Variants in KCP observed in about 807,000 individuals in gnomAD.
KCP encodes the protein kielin cysteine rich BMP regulator, also known as kielin/chordin-like protein.
Under a neutral mutation model 212.7 loss-of-function variants are expected in KCP, and 194 were observed. That is an observed-to-expected ratio of 0.91 (90% confidence interval 0.81 to 1.03). The LOEUF is 1.03. KCP is among the 50% of genes least tolerant of loss of function. The pLI is 0.00. For missense variants in KCP, 2,080 were observed against 2,162.5 expected (o/e 0.96, Z 0.76); for synonymous variants, 833 against 865.3 (o/e 0.96, Z 0.65).
intron 20 of KCP, among the ~76,000 whole-genome samples, 155 bp from the exon 21 acceptor site, chr7:128,890,668 T>C (rs1248532296): frequency 1.8e-5 from 1 of 55,528 alleles, no homozygotes; most frequent in Non-Finnish European, 3.4e-5. Context: ...GGGGAGGCCG[T>C]GGGCTCCGTG....
intron 26 of KCP, 81 bp downstream of exon 26, chr7:128,886,383 C>G: frequency 8.5e-7 from 1 of 1,183,386 alleles, no homozygotes; most frequent in South Asian, 1.5e-5. Context: ...GAAGAGCTGG[C>G]TGAGGGGAGG....
chr7:128,887,294 C>A lies in KCP; in HGVS notation c.2519G>T (p.Arg840Leu), dbSNP rs935377722. Residue 840 changes from arginine (R) to leucine (L), a missense_variant, in exon 23 of 40, where the codon CGC becomes CTC. Transcript: ENST00000610776. ...GGAGGCAGTAGTGACGCCATGGTAGCGGCATCCTGGCAGAGCGGGGAGTCC... is the reference window on the plus strand; with the variant it reads ...GGAGGCAGTAGTGACGCCATGGTAGAGGCATCCTGGCAGAGCGGGGAGTCC... ...GHCCPTCQGC[R>L]YHGVTTASGE... is the part of the protein sequence containing the mutation. 3 of 1,551,030 alleles carry A rather than the reference C, an allele frequency of 1.9e-6. No homozygotes were observed. The highest frequency in any genetic ancestry group is 1.7e-4 in the Middle Eastern group (1 of 5,934).
chr7:128,885,270 C>T lies in KCP; in HGVS notation c.2867G>A (p.Gly956Asp). 6.5e-7 allele frequency: 1 copy of T among 1,541,156 alleles called. No homozygotes were observed. Among genetic ancestry groups the T allele is most frequent in the Non-Finnish European group, 8.8e-7 (1 of 1,139,694 alleles). Reference protein sequence around the residue: ...ERGSCCPRCRGCLAHGEEHPE... With the variant: ...ERGSCCPRCRDCLAHGEEHPE... ...GTGCTCTTCCCCATGAGCCAGGCAGCCTGTGGTGCAAAGTGGGCAGGGACG... is the reference window on the plus strand; with the variant it reads ...GTGCTCTTCCCCATGAGCCAGGCAGTCTGTGGTGCAAAGTGGGCAGGGACG... Residue 956 changes from glycine (G) to aspartate (D), a missense_variant and splice_region_variant, in exon 27 of 40, where the codon GGC (glycine) becomes GAC (aspartate). By Grantham distance (94) the Gly-to-Asp change is moderately conservative. Transcript: ENST00000610776.
intron 4 of KCP, among the ~76,000 whole-genome samples, chr7:128,906,863 TTC>T (rs1250214345): frequency 3.3e-5 from 5 of 151,444 alleles, no homozygotes; most frequent in Admixed American, 2.0e-4. Flanking sequence ...ACCTAATACA[TTC>T]TCTGCCCTCC....
rs373236319 is a variant in KCP at position 128,886,021 on chromosome 7, GTGA to G, written c.2866+440_2866+442del. ...TATCTTGATGATGATGATGATGGTG[GTGA>G]TGATGATGATGATGATGAATGGGGT... On this transcript the variant is annotated intron_variant, in intron 26 of 39. Transcript: ENST00000610776. Among the ~76,000 whole-genome samples the G allele has an allele frequency of 1.5e-3, 229 of 152,188 alleles. 1 individual carries two copies. Among genetic ancestry groups the G allele is most frequent in the African/African-American group, 5.4e-3 (225 of 41,518 alleles).
At chr7:128,901,310 C>G (rs1301992864) in intron 8 of KCP, among the ~76,000 whole-genome samples, 2 of 152,182 alleles carry the variant, frequency 1.3e-5, no homozygotes, top group Admixed American at 1.3e-4. Flanking sequence ...AGTAGCCATT[C>G]TTTTATTCCT....
Position 128,880,427 on chromosome 7 carries a change from G to A in KCP, c.3718C>T (p.Arg1240Cys), listed in dbSNP as rs1430129558. ...TSCSCMAGTV[R>C]CQSQRCSPLS... ...GGTGAGCAGCGCTGGCTCTGGCAAC[G>A]CACGGTGCCCGCCATGCAGGAGCAG... The change falls in exon 34 of 40, where the codon CGT becomes TGT. Residue 1240 changes from arginine (R) to cysteine (C), a missense_variant. Physicochemically the swap from Arg to Cys is radical, Grantham distance 180 (BLOSUM62 -3). Coordinates refer to ENST00000610776, the MANE Select transcript of KCP (RefSeq NM_001366122.1). 14 of 1,543,804 alleles carry A rather than the reference G, an allele frequency of 9.1e-6. No homozygotes were observed. Among genetic ancestry groups the A allele is most frequent in the East Asian group, 4.9e-5 (2 of 40,700 alleles).
At position 128,910,460 on chromosome 7, in the gene KCP, C is replaced by T. The variant is rs1229180503; in HGVS notation, c.76+141G>A. 4.1e-6 allele frequency: 3 copies of T among 726,042 alleles called. 1 individual carries two copies. The highest frequency in any genetic ancestry group is 8.0e-4 in the Middle Eastern group (2 of 2,514). The allele number at this position is 726,042 out of a possible 1,614,324, so 45.0% of individuals were successfully genotyped here. ...CTGCTCGCTCCCCCGACGGGGAGGA[C>T]GGAGCTGGCCAGGGAGGCGCGCGAA... is the stretch of plus-strand genomic sequence containing the variant. On this transcript the variant is annotated intron_variant, in intron 1 of 39. Coordinates refer to ENST00000610776, the MANE Select transcript of KCP (RefSeq NM_001366122.1).
At position 128,906,360 on chromosome 7, in the gene KCP, C is replaced by A. The variant is rs1563054662; in HGVS notation, c.490G>T (p.Gly164Cys). 1 of 1,548,474 alleles carries A rather than the reference C, an allele frequency of 6.5e-7. No individual in the cohort carries two copies. Among genetic ancestry groups the A allele is most frequent in the Non-Finnish European group, 8.7e-7 (1 of 1,145,590 alleles). ...GGCTTCTGGTTGCAAGTGATGGTAC[C>A]TTCCTGTGGGAGCAGACTGAGGTGG... Reference protein sequence around the residue: ...DACTTCRCLEGTITCNQKPCP... With the variant: ...DACTTCRCLECTITCNQKPCP... The change falls in exon 5 of 40, where the codon GGT (glycine) becomes TGT (cysteine). Residue 164 changes from glycine (G) to cysteine (C), a missense_variant. By Grantham distance (159) the Gly-to-Cys change is radical. Coordinates refer to ENST00000610776, the MANE Select transcript of KCP (RefSeq NM_001366122.1).
intron 21 of KCP, among the ~76,000 whole-genome samples, 159 bp from the exon 22 acceptor site, chr7:128,889,198 C>T (rs369500567): frequency 1.5e-5 from 2 of 132,816 alleles, no homozygotes; most frequent in East Asian, 2.2e-4. Context: ...GCAAAGCAGT[C>T]GTGAGGGGGG....
At chr7:128,899,862 T>TTAGGGAATCATG (rs1794740444) in intron 8 of KCP, among the ~76,000 whole-genome samples, 2 of 152,182 alleles carry the variant, frequency 1.3e-5, no homozygotes, top group African/African-American at 4.8e-5. Flanking sequence ...TCATGATTCC[T>TTAGGGAATCATG]TAAGGAATCA....
intron 22 of KCP, among the ~76,000 whole-genome samples, chr7:128,888,447 G>A (rs1187450160): frequency 1.2e-5 from 1 of 86,074 alleles, no homozygotes; most frequent in Non-Finnish European, 2.4e-5. Flanking sequence ...TATACACACG[G>A]CCACACACAC....
chr7:128,901,952 G>A (rs1385667023), intron 8 of KCP, among the ~76,000 whole-genome samples: 1 of 152,134 alleles, frequency 6.6e-6, no homozygotes, highest in Admixed American at 6.5e-5. Context: ...CTTACCCTTT[G>A]AGGCCTAAGT....
At chr7:128,887,324 GA>G in intron 22 of KCP, 24 bp from the exon 23 acceptor site, 2 of 1,535,164 alleles carry the variant, frequency 1.3e-6, no homozygotes, top group Non-Finnish European at 1.8e-6. Context: ...GAGTCCAACA[GA>G]AGAGCTGCCA....
Position 128,896,070 on chromosome 7 carries a change from T to C in KCP, c.832-1777A>G, listed in dbSNP as rs367602813. Among the ~76,000 whole-genome samples, 65 of 152,228 alleles carry C rather than the reference T, an allele frequency of 4.3e-4. 1 individual carries two copies. In the South Asian group the frequency reaches 4.4e-3, roughly 10 times the overall value. On this transcript the variant is annotated intron_variant, in intron 8 of 39. Coordinates refer to ENST00000610776, the MANE Select transcript of KCP (RefSeq NM_001366122.1). ...CCTGTAACATCTTTCTGGCGACCAC[T>C]GAAGGGATGATAGTGCGGAAACCCC...
chr7:128,880,676 A>G lies in KCP; in HGVS notation c.3559T>C (p.Cys1187Arg). Reference protein sequence around the residue: ...CHLEECQALSCPHGWAKVPQA... With the variant: ...CHLEECQALSRPHGWAKVPQA... ...GGCACCTTCGCCCAGCCATGGGGGC[A>G]GGAGAGGGCCTGGCACTCCTCGAGG... The change falls in exon 33 of 40, where the codon TGC becomes CGC. Residue 1187 changes from cysteine (C) to arginine (R), a missense_variant. By Grantham distance (180) the Cys-to-Arg change is radical. Coordinates refer to ENST00000610776, the MANE Select transcript of KCP (RefSeq NM_001366122.1). 3.5e-6 allele frequency: 2 copies of G among 579,388 alleles called. No homozygotes were observed. The highest frequency in any genetic ancestry group is 2.7e-6 in the Non-Finnish European group (1 of 365,474). The allele number at this position is 579,388 out of a possible 1,614,324, so 35.9% of individuals were successfully genotyped here.
chr7:128,888,535 TAC>T (rs1239712378), intron 22 of KCP, among the ~76,000 whole-genome samples: 1 of 90,332 alleles, frequency 1.1e-5, no homozygotes, highest in Non-Finnish European at 2.4e-5. Flanking sequence ...GATACACACA[TAC>T]ACACATACAG....
intron 2 of KCP, among the ~76,000 whole-genome samples, chr7:128,908,170 A>G (rs1795224971): frequency 6.7e-6 from 1 of 148,180 alleles, no homozygotes; most frequent in Non-Finnish European, 1.5e-5. Context: ...AGAGAGAAGA[A>G]GGATGGAAGG....
Position 128,890,542 on chromosome 7 carries a change from C to T in KCP, c.2165-29G>A, listed in dbSNP as rs911216741. On this transcript the variant is annotated intron_variant, in intron 20 of 39. Transcript: ENST00000610776. ...GGGAGAAGGGCAGGGGCTGGGGGGC[C>T]GTGGGGACTAGAGGGCTGTGGGGAC... 6 of 1,341,316 alleles carry T rather than the reference C, an allele frequency of 4.5e-6. No individual in the cohort carries two copies. In the African/African-American group the frequency reaches 4.7e-5, roughly 10 times the overall value. The allele number at this position is 1,341,316 out of a possible 1,614,324, so 83.1% of individuals were successfully genotyped here. A position where few individuals can be genotyped will look rare whatever the true frequency, so the allele number is the denominator to read the frequency against.
Sources: allele counts gnomAD v4.1 joint callset (sites outside exome capture counted in the v4.1 genomes callset), GRCh38; gene constraint gnomAD v4.1.1; transcripts MANE v1.5; gene names NCBI Gene and HGNC (gene_info 2026-07-23, HGNC 2026-07-21).